Variants in LHFPL3 observed in about 807,000 individuals in gnomAD.
The protein encoded by LHFPL3 is LHFPL tetraspan subfamily member 3.
Under a neutral mutation model 19.3 loss-of-function variants are expected in LHFPL3, and 5 were observed. The ratio of observed to expected loss-of-function variants is 0.26; its 90% CI spans 0.14 to 0.54. LHFPL3 has a LOEUF of 0.54. LHFPL3 is among the 20% of genes least tolerant of loss of function. LHFPL3 has a pLI of 0.94. For missense variants in LHFPL3, 249 were observed against 307.4 expected, an observed-to-expected ratio of 0.81 and a Z score of 1.42; for synonymous variants, 133 against 126.2, an observed-to-expected ratio of 1.05 and a Z score of -0.36.
intron 1 of LHFPL3, among the ~76,000 whole-genome samples, chr7:104,481,419 C>T (rs1224009728): frequency 2.0e-5 from 3 of 152,146 alleles, no homozygotes; most frequent in African/African-American, 4.8e-5. Flanking sequence ...TCCCACTTGT[C>T]TTTTGTGCCT....
At chr7:104,814,576 G>A (rs954787902) in intron 2 of LHFPL3, among the ~76,000 whole-genome samples, 3 of 152,144 alleles carry the variant, frequency 2.0e-5, no homozygotes, top group East Asian at 3.9e-4. Context: ...GCCTGAAGGT[G>A]GGGCCTCACT....
chr7:104,381,489 C>T (rs910348545), intron 1 of LHFPL3, among the ~76,000 whole-genome samples: 2 of 151,866 alleles, frequency 1.3e-5, no homozygotes, highest in East Asian at 3.9e-4. Flanking sequence ...ATTGTTTTGC[C>T]GTACATTCTC....
chr7:104,902,627 AAAT>A lies in LHFPL3; in HGVS notation c.683-3557_683-3555del, dbSNP rs1288380056. Among the ~76,000 whole-genome samples the A allele has an allele frequency of 2.0e-5, 3 of 152,042 alleles. No individual in the cohort carries two copies. In the East Asian group the frequency reaches 5.8e-4, roughly 29 times the overall value. ...CATGGTGAAACCCCATCTGTACTAA[AAAT>A]AAAAAATTAGCTGGGCATGGTGGCG... On this transcript the variant is annotated intron_variant, in intron 2 of 2. Transcript: ENST00000424859.
chr7:104,409,788 C>A (rs1467041524), intron 1 of LHFPL3, among the ~76,000 whole-genome samples: 1 of 152,074 alleles, frequency 6.6e-6, no homozygotes, highest in Non-Finnish European at 1.5e-5. Context: ...GAACATAAAT[C>A]TTTGCTTGTG....
intron 2 of LHFPL3, among the ~76,000 whole-genome samples, chr7:104,779,046 T>C (rs957994669): frequency 3.3e-5 from 5 of 152,224 alleles, no homozygotes; most frequent in Non-Finnish European, 7.3e-5. Context: ...ATAGCCATTA[T>C]CACATGTATT....
intron 1 of LHFPL3, among the ~76,000 whole-genome samples, chr7:104,474,982 G>A (rs1186061140): frequency 1.3e-5 from 2 of 152,342 alleles, no homozygotes; most frequent in Admixed American, 1.3e-4. Context: ...AAAAGACACA[G>A]AATCCTTGCA....
At chr7:104,452,075 A>G (rs1453286812) in intron 1 of LHFPL3, among the ~76,000 whole-genome samples, 1 of 152,174 alleles carries the variant, frequency 6.6e-6, no homozygotes, top group Non-Finnish European at 1.5e-5. Flanking sequence ...GGTCAAGTTC[A>G]GTAAAAAGAA....
intron 1 of LHFPL3, among the ~76,000 whole-genome samples, chr7:104,614,676 CTTCCTTCTTTCTTTCTTTCT>C (rs1252843716): frequency 7.5e-4 from 73 of 97,542 alleles, no homozygotes; most frequent in African/African-American, 1.9e-3. Flanking sequence ...TCCTTCCTTC[CTTCCTTCTTTCTTTCTTTCT>C]TTCTTTCTTT....
At chr7:104,833,001 T>TATATATATATATTATATATAATAG (rs1790987956) in intron 2 of LHFPL3, among the ~76,000 whole-genome samples, 1 of 36,578 alleles carries the variant, frequency 2.7e-5, no homozygotes, top group African/African-American at 1.0e-4. Context: ...ACATATATAT[T>TATATATATATATTATATATAATAG]ATATATATAT....
chr7:104,515,226 C>T (rs1240697746), intron 1 of LHFPL3, among the ~76,000 whole-genome samples: 1 of 152,182 alleles, frequency 6.6e-6, no homozygotes, highest in Non-Finnish European at 1.5e-5. Flanking sequence ...ATCTTTCCAT[C>T]CAAATGCCCA....
chr7:104,405,539 A>G (rs912751670), intron 1 of LHFPL3, among the ~76,000 whole-genome samples: 1 of 152,106 alleles, frequency 6.6e-6, no homozygotes, highest in African/African-American at 2.4e-5. Flanking sequence ...TCCTATCAAC[A>G]CTCTTATGAA....
At chr7:104,377,847 A>C (rs984767183) in intron 1 of LHFPL3, among the ~76,000 whole-genome samples, 2 of 152,024 alleles carry the variant, frequency 1.3e-5, no homozygotes, top group Non-Finnish European at 2.9e-5. Context: ...AATAATAACT[A>C]AGCTTTTATT....
chr7:104,332,592 T>C (rs550979443), intron 1 of LHFPL3, among the ~76,000 whole-genome samples: 9 of 152,294 alleles, frequency 5.9e-5, no homozygotes, highest in African/African-American at 1.9e-4. Flanking sequence ...TATTACAATA[T>C]AAAAAATTAT....
In LHFPL3 at chr7:104,542,764, T is replaced by C. The variant is rs573762954; in HGVS notation, c.446-193911T>C. 6.6e-5 allele frequency among the ~76,000 whole-genome samples: 10 copies of C among 152,236 alleles called. No individual in the cohort carries two copies. In the East Asian group the frequency reaches 1.9e-3, roughly 29 times the overall value. ...GCCCAGTGCAAGGGCCCTTTAAAAA[T>C]ACCTGGTATTCATTTGACTCAGCAA... On this transcript the variant is annotated intron_variant, in intron 1 of 2. Coordinates refer to ENST00000424859, the MANE Select transcript of LHFPL3 (RefSeq NM_199000.3).
At chr7:104,622,701 T>C (rs1378110624) in intron 1 of LHFPL3, among the ~76,000 whole-genome samples, 2 of 152,228 alleles carry the variant, frequency 1.3e-5, no homozygotes, top group Non-Finnish European at 2.9e-5. Flanking sequence ...AACTGGTTTT[T>C]AGTGACTGGC....
rs577943931 is a variant in LHFPL3, at chr7:104,637,613, C to G, written c.446-99062C>G. ...CCTCTGCATATGACTAGCCAGTTAT[C>G]CCAGCACCACTTATTGAATAGGGAG... On this transcript the variant is annotated intron_variant, in intron 1 of 2. Transcript: ENST00000424859. Among the ~76,000 whole-genome samples the G allele has an allele frequency of 2.6e-5, 4 of 152,260 alleles. No homozygotes were observed. The South Asian group carries it at 6.2e-4, about 24-fold the overall frequency.
chr7:104,475,364 C>T (rs1792990162), intron 1 of LHFPL3, among the ~76,000 whole-genome samples: 1 of 151,898 alleles, frequency 6.6e-6, no homozygotes, highest in African/African-American at 2.4e-5. Flanking sequence ...ACCAGAATTC[C>T]TTAGCATATT....
chr7:104,819,360 T>C (rs941285450), intron 2 of LHFPL3, among the ~76,000 whole-genome samples: 5 of 148,634 alleles, frequency 3.4e-5, no homozygotes, highest in Admixed American at 3.4e-4. Flanking sequence ...TACATTCCTC[T>C]TGCCCATTTA....
Position 104,654,295 on chromosome 7 carries a change from G to A in LHFPL3, c.446-82380G>A, listed in dbSNP as rs1474377312. Among the ~76,000 whole-genome samples, 3 of 152,180 alleles carry A rather than the reference G, an allele frequency of 2.0e-5. No homozygotes were observed. In the East Asian group the frequency reaches 5.8e-4, roughly 29 times the overall value. On this transcript the variant is annotated intron_variant, in intron 1 of 2. Coordinates refer to ENST00000424859, the MANE Select transcript of LHFPL3 (RefSeq NM_199000.3). The stretch of plus-strand genomic sequence containing the variant: ...GCAGAATTTGTTACTTTCAGATGAT[G>A]ATAATGTCTGAAAATTTTGTCTGTT...
Sources: gnomAD v4.1 joint callset for allele counts (sites outside exome capture counted in the v4.1 genomes callset) on GRCh38, gnomAD v4.1.1 for gene constraint, MANE v1.5 for transcripts, NCBI Gene and HGNC (gene_info 2026-07-23, HGNC 2026-07-21) for gene names.